SRPK2: variants seen among roughly 807,000 people sequenced by gnomAD.
The protein encoded by SRPK2 is SFRS protein kinase 2.
Under a neutral mutation model 90.8 loss-of-function variants are expected in SRPK2, and 21 were observed. That is an observed-to-expected ratio of 0.23 (90% CI 0.16 to 0.33). The LOEUF (loss-of-function observed/expected upper bound fraction) is 0.33, where lower values mean the gene tolerates loss of function less well. Ranked by LOEUF, SRPK2 falls within the 10% of genes least tolerant of loss-of-function variation. The pLI is 1.00. For missense variants in SRPK2, 620 were observed against 869.0 expected (o/e 0.71, Z 3.60); for synonymous variants, 288 against 311.1 (o/e 0.93, Z 0.78).
At chr7:105,259,359 ATCACT>A (rs1456652393) in intron 2 of SRPK2, among the ~76,000 whole-genome samples, 2 of 152,216 alleles carry the variant, frequency 1.3e-5, no homozygotes, top group African/African-American at 4.8e-5. Flanking sequence ...GAGACTACAA[ATCACT>A]GCTGAATGAA....
At chr7:105,167,584 T>C (rs1585023017) in intron 5 of SRPK2, 120 bp from the exon 6 acceptor site, 2 of 530,762 alleles carry the variant, frequency 3.8e-6, no homozygotes, top group Non-Finnish European at 3.2e-6. Flanking sequence ...CATCACAAAG[T>C]TATAAAAAAT....
At chr7:105,145,350 G>A (rs771984960) in intron 8 of SRPK2, 42 bp from the exon 9 acceptor site, 1 of 1,483,038 alleles carries the variant, frequency 6.7e-7, no homozygotes, top group African/African-American at 1.4e-5. Flanking sequence ...GCAGAAAACA[G>A]ACACATGCCT....
rs552181092 is a variant in SRPK2, at chr7:105,256,245, AG to A, written c.72-52461del. Among the ~76,000 whole-genome samples the A allele has an allele frequency of 2.3e-3, 348 of 152,366 alleles. 1 individual carries two copies. Among genetic ancestry groups the A allele is most frequent in the African/African-American group, 8.1e-3 (335 of 41,594 alleles). On this transcript the variant is annotated intron_variant, in intron 2 of 15. Transcript: ENST00000393651. ...GAGAATCAATGTGCTATAGCACAGAAGAAAAATATTTACCATAGGCTGAATC... is the reference window on the plus strand; with the variant it reads ...GAGAATCAATGTGCTATAGCACAGAAAAAAATATTTACCATAGGCTGAATC...
At position 105,350,529 on chromosome 7, in the gene SRPK2, CT is replaced by C. The variant is rs71152961; in HGVS notation, c.71+38118del. On this transcript the variant is annotated intron_variant, in intron 2 of 15. Transcript: ENST00000393651. Reference sequence around the variant, plus strand: ...CCCTGTGGTTGCTACAATTTTTTTTCTTTTTTTTTTTTTTTTGAGACGGAAT... The same window carrying C: ...CCCTGTGGTTGCTACAATTTTTTTTCTTTTTTTTTTTTTTTGAGACGGAAT... 6.0e-4 allele frequency among the ~76,000 whole-genome samples: 76 copies of C among 127,314 alleles called. 1 individual carries two copies. The highest frequency in any genetic ancestry group is 3.3e-3 in the East Asian group (14 of 4,232). 83.5% of individuals were successfully genotyped at this position (127,314 alleles called of 152,430 possible). A position where few individuals can be genotyped will look rare whatever the true frequency, so the allele number is the denominator to read the frequency against.
At chr7:105,219,153 TC>T (rs1797807949) in intron 2 of SRPK2, among the ~76,000 whole-genome samples, 1 of 152,048 alleles carries the variant, frequency 6.6e-6, no homozygotes, top group African/African-American at 2.4e-5. Flanking sequence ...GGCGCATACT[TC>T]CCACACTCCC....
chr7:105,380,947 TAAAAAAAAA>T lies in SRPK2; in HGVS notation c.71+7692_71+7700del, dbSNP rs869039181. 1.1e-4 allele frequency among the ~76,000 whole-genome samples: 11 copies of T among 104,128 alleles called. No individual in the cohort carries two copies. The East Asian group carries it at 1.1e-3, about 11-fold the overall frequency. 68.3% of individuals were successfully genotyped at this position (104,128 alleles called of 152,430 possible). The stretch of plus-strand genomic sequence containing the variant: ...CATGACCATATTACTTTTATTACTT[TAAAAAAAAA>T]AAAAAAAAAAAAAAAAGCTGGGCCA... On this transcript the variant is annotated intron_variant, in intron 2 of 15. Coordinates refer to ENST00000393651, the MANE Select transcript of SRPK2 (RefSeq NM_182692.3).
chr7:105,307,406 T>C (rs1244184170), intron 2 of SRPK2, among the ~76,000 whole-genome samples: 1 of 152,232 alleles, frequency 6.6e-6, no homozygotes, highest in Non-Finnish European at 1.5e-5. Context: ...TGTTTTGCTC[T>C]AGAACTTAGT....
chr7:105,200,998 G>A (rs1232626006), intron 3 of SRPK2, among the ~76,000 whole-genome samples: 1 of 152,150 alleles, frequency 6.6e-6, no homozygotes, highest in Non-Finnish European at 1.5e-5. Flanking sequence ...ATAGGAGAAT[G>A]TACTTGATTG....
At chr7:105,296,964 C>T (rs1358008037) in intron 2 of SRPK2, among the ~76,000 whole-genome samples, 1 of 152,168 alleles carries the variant, frequency 6.6e-6, no homozygotes, top group Admixed American at 6.5e-5. Context: ...GGCAACTATA[C>T]ATACTGCCTC....
intron 2 of SRPK2, among the ~76,000 whole-genome samples, chr7:105,236,832 A>T (rs1167328647): frequency 6.6e-6 from 1 of 152,222 alleles, no homozygotes; most frequent in African/African-American, 2.4e-5. Context: ...GATTTTCATT[A>T]AAAAACTAAA....
intron 15 of SRPK2, among the ~76,000 whole-genome samples, chr7:105,119,087 C>G (rs1013261942): frequency 6.6e-6 from 1 of 151,910 alleles, no homozygotes; most frequent in Admixed American, 6.6e-5. Context: ...GAAACACCCC[C>G]CTGTGCCCAC....
intron 2 of SRPK2, among the ~76,000 whole-genome samples, chr7:105,343,429 G>A (rs1402694434): frequency 6.6e-6 from 1 of 151,986 alleles, no homozygotes; most frequent in African/African-American, 2.4e-5. Flanking sequence ...GCGAGACCCT[G>A]ACTCAAAAAA....
At chr7:105,142,878 A>AC (rs1803997234) in intron 10 of SRPK2, among the ~76,000 whole-genome samples, 1 of 152,256 alleles carries the variant, frequency 6.6e-6, no homozygotes, top group Non-Finnish European at 1.5e-5. Context: ...ATTTTTAAAA[A>AC]CTATTTTGAA....
intron 2 of SRPK2, among the ~76,000 whole-genome samples, chr7:105,251,424 G>A (rs980479768): frequency 2.6e-5 from 4 of 152,006 alleles, no homozygotes; most frequent in Non-Finnish European, 5.9e-5. Flanking sequence ...GGCTGGTCTT[G>A]AACTCCTGGG....
intron 11 of SRPK2, among the ~76,000 whole-genome samples, chr7:105,141,346 C>T (rs950886618): frequency 1.8e-4 from 27 of 152,158 alleles, no homozygotes; most frequent in African/African-American, 6.5e-4. Flanking sequence ...CCCCATAAGC[C>T]AGTATGGAAA....
intron 2 of SRPK2, among the ~76,000 whole-genome samples, chr7:105,327,766 T>C (rs1813759743): frequency 6.6e-6 from 1 of 152,246 alleles, no homozygotes; most frequent in African/African-American, 2.4e-5. Context: ...GATTAGCTTA[T>C]CTAAACAACT....
At chr7:105,175,726 G>A (rs1056651523) in intron 3 of SRPK2, among the ~76,000 whole-genome samples, 2 of 151,640 alleles carry the variant, frequency 1.3e-5, no homozygotes, top group African/African-American at 4.8e-5. Flanking sequence ...AGATAGAAGG[G>A]AATATTATCA....
intron 7 of SRPK2, among the ~76,000 whole-genome samples, chr7:105,159,970 CATG>C (rs911544788): frequency 2.0e-5 from 3 of 152,096 alleles, no homozygotes; most frequent in African/African-American, 2.4e-5. Context: ...TGTGTGTGTA[CATG>C]ATGAGAACAT....
intron 1 of SRPK2, among the ~76,000 whole-genome samples, chr7:105,394,393 G>A (rs1203880904): frequency 2.0e-5 from 3 of 151,814 alleles, no homozygotes; most frequent in East Asian, 3.9e-4. Context: ...CGCCCGCCTC[G>A]GCCTCTCAAA....
Sources: gnomAD v4.1 joint callset for allele counts (sites outside exome capture counted in the v4.1 genomes callset) on GRCh38, gnomAD v4.1.1 for gene constraint, MANE v1.5 for transcripts, NCBI Gene and HGNC (gene_info 2026-07-23, HGNC 2026-07-21) for gene names.